PALD1: variants seen among roughly 807,000 people sequenced by gnomAD.
The protein encoded by PALD1 is paladin.
In PALD1, 57 loss-of-function variants were observed where a neutral mutation model predicts 96.0. That is an observed-to-expected ratio of 0.59 (90% CI 0.48 to 0.74). The LOEUF (loss-of-function observed/expected upper bound fraction) is 0.74. PALD1 is among the 30% of genes least tolerant of loss of function. PALD1 has a pLI of 0.00. For missense variants in PALD1, 1,063 were observed against 1,143.7 expected (o/e 0.93, Z 1.02); for synonymous variants, 464 against 473.6 (o/e 0.98, Z 0.26).
intron 2 of PALD1, among the ~76,000 whole-genome samples, chr10:70,527,744 G>GCTC (rs1846898230): frequency 6.6e-6 from 1 of 152,186 alleles, no homozygotes; most frequent in African/African-American, 2.4e-5. Flanking sequence ...CTCTTCTAGT[G>GCTC]CTCCTCTGCC....
At chr10:70,550,524 C>T (rs561598475) in intron 18 of PALD1, among the ~76,000 whole-genome samples, 2 of 152,276 alleles carry the variant, frequency 1.3e-5, no homozygotes, top group South Asian at 2.1e-4. Flanking sequence ...TTATGGTGCA[C>T]GAGTCCCTGG....
At chr10:70,516,972 C>T (rs1274092119) in intron 1 of PALD1, among the ~76,000 whole-genome samples, 1 of 152,086 alleles carries the variant, frequency 6.6e-6, no homozygotes, top group Non-Finnish European at 1.5e-5. Flanking sequence ...GCCAGATTTC[C>T]AGGGCTCAGT....
At chr10:70,478,740 T>C (rs1845870473), upstream of PALD1, 2 of 151,854 alleles carry the variant, frequency 1.3e-5, no homozygotes, top group South Asian at 4.1e-4. Context: ...GGCGCGGTGA[T>C]TGGCGGCCGG....
At chr10:70,519,371 T>G (rs1303453849) in intron 1 of PALD1, among the ~76,000 whole-genome samples, 1 of 152,192 alleles carries the variant, frequency 6.6e-6, no homozygotes, top group Non-Finnish European at 1.5e-5. Flanking sequence ...TGATTCATTA[T>G]CTGATACAGG....
the PALD1 span, among the ~76,000 whole-genome samples, chr10:70,470,197 A>T: frequency 6.6e-6 from 1 of 152,344 alleles, no homozygotes; most frequent in African/African-American, 2.4e-5. Context: ...CACTCCAACA[A>T]GGAAAAGGAA....
In PALD1 at chr10:70,530,010, AG is replaced by A; in HGVS notation, c.411del (p.Gln137HisfsTer82). The A allele has an allele frequency of 6.3e-7, 1 of 1,593,702 alleles. No homozygotes were observed. Among genetic ancestry groups the A allele is most frequent in the Non-Finnish European group, 8.5e-7 (1 of 1,171,024 alleles). On this transcript the variant is annotated frameshift_variant, in exon 4 of 20. Coordinates refer to ENST00000263563, the MANE Select transcript of PALD1 (RefSeq NM_014431.3). LOFTEE classifies it high-confidence loss of function. The part of the protein sequence containing the change: ...QGGLTVFGMG[Q>X]PSLSGFRRVL... ...GGGCTCACTGTGTTCGGCATGGGACAGCCCAGCCTCTCAGGGTTCAGGCGGG... is the reference window on the plus strand; with the variant it reads ...GGGCTCACTGTGTTCGGCATGGGACACCCAGCCTCTCAGGGTTCAGGCGGG...
At chr10:70,550,528 T>C (rs528774788) in intron 18 of PALD1, among the ~76,000 whole-genome samples, 1 of 152,220 alleles carries the variant, frequency 6.6e-6, no homozygotes, top group South Asian at 2.1e-4. Context: ...GGTGCACGAG[T>C]CCCTGGTTTT....
chr10:70,518,177 C>T (rs1273070796), intron 1 of PALD1, among the ~76,000 whole-genome samples: 4 of 152,224 alleles, frequency 2.6e-5, no homozygotes. Context: ...GCTGGGATTA[C>T]AGGCGAGAGC....
chr10:70,493,551 G>C (rs1181821401), intron 1 of PALD1, among the ~76,000 whole-genome samples: 1 of 152,234 alleles, frequency 6.6e-6, no homozygotes, highest in African/African-American at 2.4e-5. Context: ...TAAGATTGCA[G>C]CTGAGGGTGG....
intron 2 of PALD1, 130 bp from the exon 3 acceptor site, chr10:70,529,099 A>G (rs141058473): frequency 6.9e-5 from 42 of 611,634 alleles, no homozygotes; most frequent in Non-Finnish European, 1.3e-4. Flanking sequence ...TTGAGGGACA[A>G]TGGGCAGTCT....
chr10:70,508,234 A>G (rs914839819), intron 1 of PALD1, among the ~76,000 whole-genome samples: 1 of 152,208 alleles, frequency 6.6e-6, no homozygotes, highest in Non-Finnish European at 1.5e-5. Flanking sequence ...TTCAAAGGCA[A>G]CATTTCTGCC....
chr10:70,539,369 C>A lies in PALD1; in HGVS notation c.1725+122C>A. 1 of 1,161,394 alleles carries A rather than the reference C, an allele frequency of 8.6e-7. No individual in the cohort carries two copies. The highest frequency in any genetic ancestry group is 1.6e-5 in the South Asian group (1 of 64,344). The allele number at this position is 1,161,394 out of a possible 1,614,324, so 71.9% of individuals were successfully genotyped here. On this transcript the variant is annotated intron_variant, in intron 14 of 19. Transcript: ENST00000263563. This position sits in a 1 kb window ranked among gnomAD's most constrained non-coding sequence, Gnocchi z 4.5. ...GGAGAATCTGAGGCCCCGGGAGGAG[C>A]AGTGTCAGGGAGTGGCCAACTCAGG... is the stretch of plus-strand genomic sequence containing the variant.
intron 2 of PALD1, among the ~76,000 whole-genome samples, chr10:70,528,932 CG>C (rs1175741377): frequency 6.6e-6 from 1 of 152,132 alleles, no homozygotes; most frequent in Non-Finnish European, 1.5e-5. Flanking sequence ...GGAATTTGCA[CG>C]CACATCACTT....
chr10:70,523,829 G>T (rs1846794322), intron 1 of PALD1, among the ~76,000 whole-genome samples: 1 of 152,112 alleles, frequency 6.6e-6, no homozygotes. Flanking sequence ...TTCTGGGAGG[G>T]CCGATGAGTC....
At chr10:70,527,619 G>A (rs1033072988) in intron 2 of PALD1, among the ~76,000 whole-genome samples, 3 of 152,142 alleles carry the variant, frequency 2.0e-5, no homozygotes, top group African/African-American at 4.8e-5. Context: ...ATGGCAACCC[G>A]TGATCTAATG....
intron 1 of PALD1, among the ~76,000 whole-genome samples, chr10:70,524,417 T>C (rs928013355): frequency 6.6e-5 from 10 of 152,244 alleles, no homozygotes; most frequent in African/African-American, 2.4e-4. Flanking sequence ...AGCCACTCCT[T>C]CCCCATCCCT....
chr10:70,560,139 G>A (rs919561812), intron 18 of PALD1, among the ~76,000 whole-genome samples: 2 of 152,230 alleles, frequency 1.3e-5, no homozygotes, highest in African/African-American at 2.4e-5. Context: ...TCAGCCTGAG[G>A]GCAGAGGAGG....
At chr10:70,536,881 G>A (rs896704327) in intron 10 of PALD1, among the ~76,000 whole-genome samples, 5 of 152,188 alleles carry the variant, frequency 3.3e-5, no homozygotes, top group Non-Finnish European at 7.3e-5. Context: ...GGAGATCCGA[G>A]GGCCCTTGGG....
intron 12 of PALD1, among the ~76,000 whole-genome samples, 169 bp downstream of exon 12, chr10:70,538,577 C>A (rs138908695): frequency 1.5e-3 from 235 of 152,234 alleles, no homozygotes; most frequent in South Asian, 4.1e-3. Flanking sequence ...ATGCTTAGGC[C>A]CCAGCAAGCA....
Sources: gnomAD v4.1 joint callset for allele counts (sites outside exome capture counted in the v4.1 genomes callset) on GRCh38, gnomAD v4.1.1 for gene constraint, Gnocchi (gnomAD v3.1) non-coding constraint, MANE v1.5 for transcripts, NCBI Gene and HGNC (gene_info 2026-07-23, HGNC 2026-07-21) for gene names.